KCNT2: variants seen among roughly 807,000 people sequenced by gnomAD.
KCNT2 encodes potassium channel subfamily T member 2.
Under a neutral mutation model 153.8 loss-of-function variants are expected in KCNT2, and 67 were observed. The observed-to-expected ratio is 0.44, with a 90% CI of 0.36 to 0.53. KCNT2 has a LOEUF of 0.53. KCNT2 is among the 20% of genes least tolerant of loss of function. The probability of loss-of-function intolerance (pLI) is 0.00; values close to 1 mark genes in which losing one functional copy is unlikely to be tolerated. For synonymous variants in KCNT2, 500 were observed against 458.8 expected (o/e 1.09, Z -1.15); for missense variants, 975 against 1,354.8 (o/e 0.72, Z 4.40).
chr1:196,339,961 G>C (rs1346700956), intron 16 of KCNT2, among the ~76,000 whole-genome samples: 1 of 151,938 alleles, frequency 6.6e-6, no homozygotes, highest in Non-Finnish European at 1.5e-5. Context: ...AGTGTGTGGT[G>C]CTTTATATAT....
chr1:196,533,902 T>A (rs1056052505), intron 1 of KCNT2, among the ~76,000 whole-genome samples: 4 of 152,060 alleles, frequency 2.6e-5, no homozygotes, highest in Admixed American at 2.0e-4. Flanking sequence ...GGGTGATAGG[T>A]AACTAGGGCC....
intron 1 of KCNT2, among the ~76,000 whole-genome samples, chr1:196,594,011 C>A (rs1236566806): frequency 1.3e-5 from 2 of 151,960 alleles, no homozygotes; most frequent in East Asian, 1.9e-4. Context: ...TACACACACA[C>A]AAGAATTCAA....
intron 1 of KCNT2, among the ~76,000 whole-genome samples, chr1:196,554,100 T>C (rs990478176): frequency 2.0e-5 from 3 of 151,038 alleles, no homozygotes; most frequent in Non-Finnish European, 3.0e-5. Context: ...TAATGCATCT[T>C]AAAGAGCTAT....
At chr1:196,402,395 TAA>T (rs1671491277) in intron 12 of KCNT2, among the ~76,000 whole-genome samples, 1 of 151,476 alleles carries the variant, frequency 6.6e-6, no homozygotes. Flanking sequence ...AACAATAACA[TAA>T]GAGACAGTAG....
intron 26 of KCNT2, among the ~76,000 whole-genome samples, chr1:196,237,953 C>G (rs1275542950): frequency 2.6e-5 from 4 of 151,600 alleles, no homozygotes; most frequent in African/African-American, 9.7e-5. Flanking sequence ...GAGAAATGCC[C>G]CCTTATTTGA....
chr1:196,604,156 A>C (rs1665054455), intron 1 of KCNT2, among the ~76,000 whole-genome samples: 1 of 152,230 alleles, frequency 6.6e-6, no homozygotes, highest in Non-Finnish European at 1.5e-5. Context: ...CAAATGCTGA[A>C]TATCCTTTCT....
In KCNT2 at chr1:196,521,437, C is replaced by G. The variant is rs193302735; in HGVS notation, c.96-29096G>C. On this transcript the variant is annotated intron_variant, in intron 1 of 27. Transcript: ENST00000294725. ...AGTACCACCATTTGACCCAACAATC[C>G]CATTACTGGGTGTATACCCTAAAAG... Among the ~76,000 whole-genome samples, 984 of 152,222 alleles carry G rather than the reference C, an allele frequency of 6.5e-3. 8 individuals are homozygous for G. The highest frequency in any genetic ancestry group is 0.023 in the African/African-American group (944 of 41,530).
At chr1:196,426,856 T>TGG (rs1163967404) in intron 10 of KCNT2, among the ~76,000 whole-genome samples, 1 of 151,782 alleles carries the variant, frequency 6.6e-6, no homozygotes, top group Admixed American at 6.6e-5. Context: ...TGATAGTGAG[T>TGG]ATGTATCACC....
intron 1 of KCNT2, among the ~76,000 whole-genome samples, chr1:196,526,461 G>GTT (rs924307913): frequency 1.4e-5 from 2 of 144,904 alleles, no homozygotes; most frequent in Non-Finnish European, 1.5e-5. Context: ...TTTTTGTTTG[G>GTT]TTTTTTTTTT....
rs370193320 is a variant in KCNT2 at position 196,280,924 on chromosome 1, G to C, written c.2846C>G (p.Ser949Cys). 18 of 1,610,566 alleles carry C rather than the reference G, an allele frequency of 1.1e-5. No individual in the cohort carries two copies. The highest frequency in any genetic ancestry group is 1.4e-5 in the Non-Finnish European group (17 of 1,176,896). ...TCCAATGGGAACATCTCCAGTAGAA[G>C]AACACAACTTCTGATAAAGTCTGGC... ...TYARLYQKLCSSTGDVPIGIY... is the reference protein window; with the variant it reads ...TYARLYQKLCCSTGDVPIGIY... The change falls in exon 25 of 28, where the codon TCT (serine) becomes TGT (cysteine). Residue 949 changes from serine to cysteine, a missense_variant. Around this residue, in one of 6 missense-constraint regions of KCNT2, gnomAD observed 241 missense variants for 271.1 expected, o/e 0.89. Coordinates refer to ENST00000294725, the MANE Select transcript of KCNT2 (RefSeq NM_198503.5).
intron 7 of KCNT2, among the ~76,000 whole-genome samples, chr1:196,467,130 A>G (rs1005245439): frequency 1.3e-5 from 2 of 152,038 alleles, no homozygotes; most frequent in Non-Finnish European, 2.9e-5. Flanking sequence ...TAAATCACTT[A>G]CTTGAGCCCT....
In KCNT2 at chr1:196,294,474, C is replaced by T. The variant is rs546814577; in HGVS notation, c.2596-8716G>A. Among the ~76,000 whole-genome samples, 7 of 152,130 alleles carry T rather than the reference C, an allele frequency of 4.6e-5. No individual in the cohort carries two copies. In the East Asian group the frequency reaches 1.4e-3, roughly 29 times the overall value. ...TATTTTTAGTAGAGACAGGGTTTCA[C>T]CATGTTGGCCAGGATGATCTCAATC... On this transcript the variant is annotated intron_variant, in intron 22 of 27. Transcript: ENST00000294725.
intron 8 of KCNT2, 22 bp downstream of exon 8, chr1:196,465,271 A>G: frequency 8.1e-7 from 1 of 1,227,322 alleles, no homozygotes; most frequent in Non-Finnish European, 1.2e-6. Flanking sequence ...CATAACACAA[A>G]TTCTGATATG....
intron 1 of KCNT2, among the ~76,000 whole-genome samples, chr1:196,562,267 T>G (rs1454315692): frequency 6.6e-6 from 1 of 151,974 alleles, no homozygotes; most frequent in Non-Finnish European, 1.5e-5. Context: ...GACACTATAC[T>G]AGTGTCAGGC....
intron 26 of KCNT2, among the ~76,000 whole-genome samples, chr1:196,256,985 A>C (rs1656573425): frequency 6.6e-6 from 1 of 152,120 alleles, no homozygotes; most frequent in African/African-American, 2.4e-5. Flanking sequence ...AAATGTGATT[A>C]TATTAAAATT....
At chr1:196,292,662 C>CCGGGCGCCTTGG (rs1660295773) in intron 22 of KCNT2, among the ~76,000 whole-genome samples, 1 of 151,956 alleles carries the variant, frequency 6.6e-6, no homozygotes, top group Non-Finnish European at 1.5e-5. Flanking sequence ...AAAAAATTAG[C>CCGGGCGCCTTGG]CGGGCGCCTT....
At chr1:196,489,760 C>T in intron 3 of KCNT2, 78 bp downstream of exon 3, 5 of 827,666 alleles carry the variant, frequency 6.0e-6, no homozygotes, top group Non-Finnish European at 9.9e-6. Context: ...CTCTACACAA[C>T]ATGCTTTAAA....
At chr1:196,238,946 A>G (rs1654700876) in intron 26 of KCNT2, among the ~76,000 whole-genome samples, 1 of 151,964 alleles carries the variant, frequency 6.6e-6, no homozygotes, top group South Asian at 2.1e-4. Context: ...TTTTGTCTCC[A>G]TCAGTCATTC....
intron 1 of KCNT2, among the ~76,000 whole-genome samples, chr1:196,538,994 T>A (rs1477772546): frequency 1.3e-5 from 2 of 152,342 alleles, no homozygotes; most frequent in Admixed American, 1.3e-4. Context: ...TACCCTCCTC[T>A]TTTTTGTTAT....
Sources: allele counts gnomAD v4.1 joint callset (sites outside exome capture counted in the v4.1 genomes callset), GRCh38; gene constraint gnomAD v4.1.1; regional missense constraint gnomAD v4.1.1; transcripts MANE v1.5; gene names NCBI Gene and HGNC (gene_info 2026-07-23, HGNC 2026-07-21).